Variants in ARHGAP18 observed in about 807,000 individuals in gnomAD.
ARHGAP18 encodes Rho GTPase activating protein 18, also known as rho GTPase-activating protein 18.
Under a neutral mutation model 86.2 loss-of-function variants are expected in ARHGAP18, and 67 were observed. That is an observed-to-expected ratio of 0.78 (90% confidence interval 0.64 to 0.95). ARHGAP18 has a LOEUF of 0.95. Ranked by LOEUF, ARHGAP18 falls within the 40% of genes least tolerant of loss-of-function variation. The probability of loss-of-function intolerance (pLI) is 0.00; values close to 1 mark genes in which losing one functional copy is unlikely to be tolerated. For synonymous variants in ARHGAP18, 283 were observed against 280.4 expected (o/e 1.01, Z -0.09); for missense variants, 691 against 780.4 (o/e 0.89, Z 1.37).
Position 129,629,247 on chromosome 6 carries a change from C to CTATA in ARHGAP18, c.786+102_786+105dup, listed in dbSNP as rs35265089. On this transcript the variant is annotated intron_variant, in intron 5 of 14. Transcript: ENST00000368149. Reference sequence around the variant, plus strand: ...TCTGTCTGTCTGTCTCTCTCTCTCTCTATATATATATATATGTGTGTGTGC... The same window carrying CTATA: ...TCTGTCTGTCTGTCTCTCTCTCTCTCTATATATATATATATATATGTGTGTGTGC... 14 of 653,580 alleles carry CTATA rather than the reference C, an allele frequency of 2.1e-5. 1 individual carries two copies. The highest frequency in any genetic ancestry group is 1.7e-4 in the African/African-American group (9 of 51,960). 40.5% of individuals were successfully genotyped at this position (653,580 alleles called of 1,614,324 possible). A position where few individuals can be genotyped will look rare whatever the true frequency, so the allele number is the denominator to read the frequency against.
At chr6:129,674,769 T>A (rs1025634845) in intron 1 of ARHGAP18, among the ~76,000 whole-genome samples, 2 of 152,194 alleles carry the variant, frequency 1.3e-5, no homozygotes, top group African/African-American at 4.8e-5. Flanking sequence ...CCCCCATGGA[T>A]ACCAAGTGAG....
intron 5 of ARHGAP18, 48 bp from the exon 6 acceptor site, chr6:129,618,900 C>A: frequency 6.6e-7 from 1 of 1,510,130 alleles, no homozygotes; most frequent in Non-Finnish European, 9.0e-7. Flanking sequence ...TACCTAACCT[C>A]CATTGTAATG....
chr6:129,674,554 G>A (rs1298230016), intron 1 of ARHGAP18, among the ~76,000 whole-genome samples: 1 of 152,172 alleles, frequency 6.6e-6, no homozygotes, highest in Non-Finnish European at 1.5e-5. Flanking sequence ...GTTCCAAAGA[G>A]CAAAACTTAA....
chr6:129,587,046 C>A (rs1033977536), intron 12 of ARHGAP18, among the ~76,000 whole-genome samples: 1 of 152,062 alleles, frequency 6.6e-6, no homozygotes, highest in African/African-American at 2.4e-5. Flanking sequence ...ATATCTGTAG[C>A]CACCCATCAA....
At chr6:129,635,160 A>G (rs942806586) in intron 3 of ARHGAP18, among the ~76,000 whole-genome samples, 2 of 152,190 alleles carry the variant, frequency 1.3e-5, no homozygotes, top group African/African-American at 4.8e-5. Context: ...CCACAGAAAG[A>G]GGTCTATTCA....
At chr6:129,630,463 A>G (rs752974565) in intron 4 of ARHGAP18, among the ~76,000 whole-genome samples, 5 of 152,218 alleles carry the variant, frequency 3.3e-5, no homozygotes, top group Non-Finnish European at 5.9e-5. Flanking sequence ...TACAAAATAC[A>G]TCTATGCAGT....
intron 6 of ARHGAP18, among the ~76,000 whole-genome samples, chr6:129,618,003 T>C (rs573291618): frequency 6.6e-6 from 1 of 152,084 alleles, no homozygotes; most frequent in African/African-American, 2.4e-5. Context: ...TGGATTTCAA[T>C]ACCAATAAAT....
At chr6:129,629,695 TG>T (rs1320558669) in intron 4 of ARHGAP18, among the ~76,000 whole-genome samples, 173 bp from the exon 5 acceptor site, 4 of 152,160 alleles carry the variant, frequency 2.6e-5, no homozygotes, top group Non-Finnish European at 5.9e-5. Context: ...CAATGGTGCA[TG>T]GGAAGTGGGC....
intron 5 of ARHGAP18, among the ~76,000 whole-genome samples, chr6:129,619,753 T>C (rs1394789143): frequency 6.6e-6 from 1 of 151,512 alleles, no homozygotes; most frequent in Non-Finnish European, 1.5e-5. Flanking sequence ...ACCCTTCACA[T>C]ACACTTATGT....
intron 5 of ARHGAP18, among the ~76,000 whole-genome samples, chr6:129,628,069 T>G (rs1166943263): frequency 6.6e-6 from 1 of 152,174 alleles, no homozygotes; most frequent in Non-Finnish European, 1.5e-5. Flanking sequence ...GGGTTCAGAA[T>G]ACCATTTTTT....
At chr6:129,694,393 C>A (rs1774578865) in intron 1 of ARHGAP18, among the ~76,000 whole-genome samples, 2 of 152,150 alleles carry the variant, frequency 1.3e-5, no homozygotes, top group Non-Finnish European at 2.9e-5. Context: ...ATACCACCAG[C>A]CTGAATGGGT....
chr6:129,621,897 T>C (rs144853868), intron 5 of ARHGAP18, among the ~76,000 whole-genome samples: 75 of 152,226 alleles, frequency 4.9e-4, no homozygotes, highest in African/African-American at 1.7e-3. Flanking sequence ...AAGCCAGTGA[T>C]GTCATGAAGA....
At chr6:129,622,318 T>G (rs1407336864) in intron 5 of ARHGAP18, among the ~76,000 whole-genome samples, 1 of 152,216 alleles carries the variant, frequency 6.6e-6, no homozygotes, top group Non-Finnish European at 1.5e-5. Flanking sequence ...TTCTGAATGC[T>G]GAACCAACCA....
intron 1 of ARHGAP18, among the ~76,000 whole-genome samples, chr6:129,689,974 G>T (rs1774495546): frequency 6.6e-6 from 1 of 152,148 alleles, no homozygotes; most frequent in Admixed American, 6.6e-5. Flanking sequence ...AAAGAAGGCT[G>T]ATTCATTTTT....
chr6:129,626,985 C>A (rs1292461665), intron 5 of ARHGAP18, among the ~76,000 whole-genome samples: 1 of 152,014 alleles, frequency 6.6e-6, no homozygotes, highest in Non-Finnish European at 1.5e-5. Context: ...TCACAAAAGT[C>A]TATTTCTACT....
chr6:129,631,573 C>T (rs1023935740), intron 4 of ARHGAP18, among the ~76,000 whole-genome samples: 2 of 152,042 alleles, frequency 1.3e-5, no homozygotes, highest in Admixed American at 1.3e-4. Context: ...CTGAGATCAA[C>T]CTTTTGGCTC....
In ARHGAP18 at chr6:129,615,532, G is replaced by C. The variant is rs78591226; in HGVS notation, c.1044+680C>G. ...TGCAAATCAATTTCTACTGTCCCAA[G>C]AAATTTCAGAAACGGTGATATGCCT... On this transcript the variant is annotated intron_variant, in intron 7 of 14. Transcript: ENST00000368149. Among the ~76,000 whole-genome samples, 341 of 152,318 alleles carry C rather than the reference G, an allele frequency of 2.2e-3. 4 individuals carry two copies. Among genetic ancestry groups the C allele is most frequent in the African/African-American group, 7.9e-3 (327 of 41,554 alleles).
At chr6:129,579,821 G>T (rs576488986) in intron 14 of ARHGAP18, among the ~76,000 whole-genome samples, 1 of 152,134 alleles carries the variant, frequency 6.6e-6, no homozygotes, top group Non-Finnish European at 1.5e-5. Flanking sequence ...ACCATTCCAG[G>T]AGTTATTCTT....
Position 129,605,969 on chromosome 6 carries a change from AATT to A in ARHGAP18, c.1283-13_1283-11del, listed in dbSNP as rs747202090. 6.2e-7 allele frequency: 1 copy of A among 1,611,364 alleles called. No homozygotes were observed. The highest frequency in any genetic ancestry group is 2.2e-5 in the East Asian group (1 of 44,824). ...TTCTTGGTTGGAAGATCTGCAGACA[AATT>A]AAATAAATCTGAACTCTTTTCTTCA... On this transcript the variant is annotated splice_polypyrimidine_tract_variant and intron_variant, in intron 9 of 14. Coordinates refer to ENST00000368149, the MANE Select transcript of ARHGAP18 (RefSeq NM_033515.3).
Sources: gnomAD v4.1 joint callset for allele counts (sites outside exome capture counted in the v4.1 genomes callset) on GRCh38, gnomAD v4.1.1 for gene constraint, MANE v1.5 for transcripts, NCBI Gene and HGNC (gene_info 2026-07-23, HGNC 2026-07-21) for gene names.